PDCD5: variants seen among roughly 807,000 people sequenced by gnomAD.
PDCD5 encodes the protein programmed cell death 5, also known as programmed cell death protein 5.
In PDCD5, 23 loss-of-function variants were observed where a neutral mutation model predicts 21.9. The ratio of observed to expected loss-of-function variants is 1.05; its 90% CI spans 0.76 to 1.49. The LOEUF (loss-of-function observed/expected upper bound fraction) is 1.49. PDCD5 is among the 40% of genes most tolerant of loss of function. PDCD5 has a pLI of 0.00. For missense variants in PDCD5, 152 were observed against 147.7 expected (o/e 1.03, Z -0.15); for synonymous variants, 45 against 49.4 (o/e 0.91, Z 0.37).
intron 4 of PDCD5, chr19:32,586,402 TC>T: frequency 5.9e-6 from 7 of 1,178,794 alleles, no homozygotes; most frequent in Admixed American, 4.3e-5. Flanking sequence ...ATTGGTCCTG[TC>T]CCCTAAACCC....
intron 3 of PDCD5, 119 bp from the exon 4 acceptor site, chr19:32,585,697 C>A: frequency 3.0e-6 from 2 of 673,744 alleles, no homozygotes; most frequent in Non-Finnish European, 5.3e-6. Context: ...TACTGTCTTG[C>A]CCTACACTGA....
chr19:32,582,808 G>A (rs1417630497), intron 2 of PDCD5, among the ~76,000 whole-genome samples: 1 of 152,084 alleles, frequency 6.6e-6, no homozygotes, highest in East Asian at 1.9e-4. Flanking sequence ...TTAGCTACTG[G>A]ACAATTCTCT....
chr19:32,581,398 C>G, intron 1 of PDCD5, 71 bp downstream of exon 1: 1 of 1,115,964 alleles, frequency 9.0e-7, no homozygotes. Flanking sequence ...TAGGGCGCGC[C>G]TCCGGGGCGG....
rs572060762 is a variant in PDCD5 at position 32,587,365 on chromosome 19, A to G, written c.*65A>G. On this transcript the variant is annotated 3_prime_UTR_variant, in exon 6 of 6. Transcript: ENST00000590247. ...CTAGGACAGAAGTTAAGATCTGATT[A>G]TTTACTTTGTTTATTGTCTATATGC... 14 of 1,117,672 alleles carry G rather than the reference A, an allele frequency of 1.3e-5. No individual in the cohort carries two copies. The South Asian group carries it at 1.9e-4, about 15-fold the overall frequency. 69.2% of individuals were successfully genotyped at this position (1,117,672 alleles called of 1,614,324 possible). A position where few individuals can be genotyped will look rare whatever the true frequency, so the allele number is the denominator to read the frequency against.
chr19:32,581,364 G>C, intron 1 of PDCD5, 37 bp downstream of exon 1: 1 of 1,413,928 alleles, frequency 7.1e-7, no homozygotes, highest in Non-Finnish European at 9.3e-7. Flanking sequence ...TGGCCCTCGC[G>C]GGGCGCCGCC....
chr19:32,584,907 A>G, intron 2 of PDCD5, 43 bp from the exon 3 acceptor site: 1 of 1,470,588 alleles, frequency 6.8e-7, no homozygotes, highest in Non-Finnish European at 9.5e-7. Context: ...GGGAATGCCG[A>G]CAGCTGTGTT....
intron 3 of PDCD5, among the ~76,000 whole-genome samples, 174 bp from the exon 4 acceptor site, chr19:32,585,642 G>A (rs561217592): frequency 6.6e-6 from 1 of 152,180 alleles, no homozygotes; most frequent in African/African-American, 2.4e-5. Context: ...TGTGGAGATT[G>A]GCATGGGTGA....
intron 4 of PDCD5, chr19:32,586,551 A>G (rs1971478604): frequency 8.8e-7 from 1 of 1,130,422 alleles, no homozygotes; most frequent in Non-Finnish European, 1.1e-6. Context: ...ACACCGTGGT[A>G]TATGTGGTTG....
chr19:32,584,690 G>A (rs545867605), intron 2 of PDCD5, among the ~76,000 whole-genome samples: 1 of 152,174 alleles, frequency 6.6e-6, no homozygotes, highest in South Asian at 2.1e-4. Context: ...TTGAACTGAG[G>A]CTCCACTCTG....
rs907815933 is a variant in PDCD5, at chr19:32,586,778, G to A, written c.259-80G>A. On this transcript the variant is annotated intron_variant, in intron 4 of 5. Coordinates refer to ENST00000590247, the MANE Select transcript of PDCD5 (RefSeq NM_004708.4). ...GCTCTTTCCCCACACCTCAAAAAGAGTACAAAGTGATTCCATCTGCAGAGG... is the reference window on the plus strand; with the variant it reads ...GCTCTTTCCCCACACCTCAAAAAGAATACAAAGTGATTCCATCTGCAGAGG... The A allele has an allele frequency of 3.9e-6, 6 of 1,537,912 alleles. No individual in the cohort carries two copies. In the African/African-American group the frequency reaches 8.4e-5, roughly 21 times the overall value.
Position 32,585,812 on chromosome 19 carries a change from TTAG to T in PDCD5, c.167-1_168del. On this transcript the variant is annotated splice_acceptor_variant and splice_polypyrimidine_tract_variant and intron_variant, in intron 3 of 5. Transcript: ENST00000590247. LOFTEE classifies it high-confidence loss of function. ...TTTTTTGCATATGTATTTTTTCTTTTTAGTAAGTAACTTAGCACTTGTAAAGCC... is the reference window on the plus strand; with the variant it reads ...TTTTTTGCATATGTATTTTTTCTTTTTAAGTAACTTAGCACTTGTAAAGCC... 6.5e-7 allele frequency: 1 copy of T among 1,545,502 alleles called. No homozygotes were observed. Among genetic ancestry groups the T allele is most frequent in the South Asian group, 1.1e-5 (1 of 88,636 alleles).
chr19:32,583,061 T>C (rs1342569947), intron 2 of PDCD5, among the ~76,000 whole-genome samples: 2 of 152,212 alleles, frequency 1.3e-5, no homozygotes, highest in Non-Finnish European at 2.9e-5. Context: ...AACAGATTGC[T>C]CTTGCCCCAG....
At chr19:32,586,057 G>A (rs1350162353) in intron 4 of PDCD5, 150 bp downstream of exon 4, 1 of 1,564,056 alleles carries the variant, frequency 6.4e-7, no homozygotes, top group African/African-American at 1.4e-5. Flanking sequence ...TACTTTAAAA[G>A]AGAATAAATT....
Position 32,585,916 on chromosome 19 carries a change from A to G in PDCD5, c.258+9A>G, listed in dbSNP as rs1361424761. 6.2e-7 allele frequency: 1 copy of G among 1,613,432 alleles called. No individual in the cohort carries two copies. The highest frequency in any genetic ancestry group is 1.7e-5 in the Admixed American group (1 of 60,020). On this transcript the variant is annotated intron_variant, in intron 4 of 5. Transcript: ENST00000590247. ...GACAACTAAGTGAGAAGGTAAGCTTAGACAGCCTTGAGGAACTTTACTGTT... is the reference window on the plus strand; with the variant it reads ...GACAACTAAGTGAGAAGGTAAGCTTGGACAGCCTTGAGGAACTTTACTGTT...
chr19:32,584,417 A>G (rs1352502717), intron 2 of PDCD5, among the ~76,000 whole-genome samples: 1 of 152,246 alleles, frequency 6.6e-6, no homozygotes, highest in Non-Finnish European at 1.5e-5. Flanking sequence ...GTAGGTAGGA[A>G]GAAGTGAGGA....
At chr19:32,583,662 A>G (rs538859862) in intron 2 of PDCD5, among the ~76,000 whole-genome samples, 2 of 151,994 alleles carry the variant, frequency 1.3e-5, no homozygotes, top group South Asian at 4.2e-4. Context: ...GGGTTCTGTG[A>G]TATAATAGTT....
Position 32,582,206 on chromosome 19 carries a change from T to C in PDCD5, c.78T>C (p.Asp26=). 6.2e-7 allele frequency: 1 copy of C among 1,612,988 alleles called. No homozygotes were observed. Among genetic ancestry groups the C allele is most frequent in the Non-Finnish European group, 8.5e-7 (1 of 1,179,236 alleles). The change falls in exon 2 of 6, where the codon GAT becomes GAC. Residue 26 remains aspartate, a synonymous_variant. Transcript: ENST00000590247. ...ELQAKHGDPG[D]AAQQEAKHRE... is the part of the protein sequence containing the mutation. ...TTTTTTTTTTCCAGGATCCTGGTGA[T>C]GCGGCCCAACAGGAAGCAAAGCACA...
chr19:32,586,575 GTGA>G (rs1971478892), intron 4 of PDCD5: 1 of 1,163,150 alleles, frequency 8.6e-7, no homozygotes, highest in Non-Finnish European at 1.1e-6. Flanking sequence ...CACTCAGCTA[GTGA>G]TGATAAAGGT....
intron 2 of PDCD5, among the ~76,000 whole-genome samples, chr19:32,583,989 G>A (rs1402767682): frequency 5.3e-5 from 8 of 152,160 alleles, no homozygotes. Context: ...CCGCCACCAT[G>A]CCCGGCTAAT....
Sources: allele counts gnomAD v4.1 joint callset (sites outside exome capture counted in the v4.1 genomes callset), GRCh38; gene constraint gnomAD v4.1.1; transcripts MANE v1.5; gene names NCBI Gene and HGNC (gene_info 2026-07-23, HGNC 2026-07-21).